The following NTM variants were observed in gnomAD, a reference collection of about 807,000 sequenced individuals.
NTM encodes IgLON family member 2.
In NTM, 13 loss-of-function variants were observed where a neutral mutation model predicts 42.1. That is an observed-to-expected ratio of 0.31 (90% CI 0.20 to 0.49). The LOEUF is 0.49. Ranked by LOEUF, NTM falls within the 20% of genes least tolerant of loss-of-function variation. The pLI, the probability that NTM is intolerant of heterozygous loss-of-function variation, is 0.99. For synonymous variants in NTM, 187 were observed against 179.2 expected (o/e 1.04, Z -0.35); for missense variants, 373 against 452.8 (o/e 0.82, Z 1.60).
chr11:131,991,524 A>G (rs771856277), intron 2 of NTM, among the ~76,000 whole-genome samples: 2 of 152,178 alleles, frequency 1.3e-5, no homozygotes, highest in African/African-American at 2.4e-5. Flanking sequence ...AGCATAGCCC[A>G]TATCCTTCAT....
At chr11:131,659,919 A>T (rs1325865905) in intron 1 of NTM, among the ~76,000 whole-genome samples, 1 of 152,228 alleles carries the variant, frequency 6.6e-6, no homozygotes, top group East Asian at 1.9e-4. Flanking sequence ...GAAATGAGTT[A>T]TTCAGGCATA....
chr11:131,442,756 G>T (rs372126835), intron 1 of NTM, among the ~76,000 whole-genome samples: 2 of 151,690 alleles, frequency 1.3e-5, no homozygotes, highest in Admixed American at 6.6e-5. Flanking sequence ...TAATTTCATC[G>T]TTTTATGGCT....
chr11:132,286,517 C>G (rs921407422), intron 4 of NTM, among the ~76,000 whole-genome samples: 1 of 147,294 alleles, frequency 6.8e-6, no homozygotes, highest in African/African-American at 2.7e-5. Flanking sequence ...TGCCTGTCCG[C>G]CCCCCCCACC....
rs570485269 is a variant in NTM at position 132,272,671 on chromosome 11, A to G, written c.527-35018A>G. On this transcript the variant is annotated intron_variant, in intron 4 of 8. Transcript: ENST00000683400. Reference sequence around the variant, plus strand: ...GTTGCTTTTGTAAATTCATTTTTAGATTGTTTATTGAAAATATATAGAAAT... The same window carrying G: ...GTTGCTTTTGTAAATTCATTTTTAGGTTGTTTATTGAAAATATATAGAAAT... Among the ~76,000 whole-genome samples the G allele has an allele frequency of 2.7e-4, 41 of 152,154 alleles. 2 individuals carry two copies. In the South Asian group the frequency reaches 8.1e-3, roughly 30 times the overall value.
intron 2 of NTM, among the ~76,000 whole-genome samples, chr11:131,940,686 A>T (rs891828790): frequency 1.3e-5 from 2 of 152,176 alleles, no homozygotes; most frequent in Admixed American, 6.5e-5. Context: ...ACTGTCTTTT[A>T]TCTGAATCTA....
chr11:131,638,520 T>G (rs2064709927), intron 1 of NTM, among the ~76,000 whole-genome samples: 1 of 140,068 alleles, frequency 7.1e-6, no homozygotes, highest in African/African-American at 2.7e-5. Flanking sequence ...GAGCTGAGAT[T>G]GCACCATTGC....
intron 3 of NTM, among the ~76,000 whole-genome samples, chr11:132,151,562 G>A (rs889795392): frequency 1.3e-5 from 2 of 152,210 alleles, no homozygotes; most frequent in African/African-American, 2.4e-5. Context: ...TAGCCTCTTT[G>A]TCAGTTTTCC....
At chr11:132,150,927 T>G (rs1413245500) in intron 3 of NTM, among the ~76,000 whole-genome samples, 1 of 152,206 alleles carries the variant, frequency 6.6e-6, no homozygotes, top group African/African-American at 2.4e-5. Flanking sequence ...CCTTGAATAC[T>G]TCCTTCAAAT....
intron 4 of NTM, among the ~76,000 whole-genome samples, chr11:132,226,419 G>A (rs1566521850): frequency 6.6e-6 from 1 of 152,142 alleles, no homozygotes; most frequent in African/African-American, 2.4e-5. Flanking sequence ...GTGTGAGGTG[G>A]TATCTCATTG....
At chr11:132,226,928 A>T (rs571746075) in intron 4 of NTM, among the ~76,000 whole-genome samples, 1 of 152,328 alleles carries the variant, frequency 6.6e-6, no homozygotes, top group East Asian at 1.9e-4. Flanking sequence ...TTGTCCATCA[A>T]AAACTCCAAG....
rs570358727 is a variant in NTM at position 131,994,598 on chromosome 11, GTT to G, written c.167+82956_167+82957del. 1.1e-4 allele frequency among the ~76,000 whole-genome samples: 17 copies of G among 152,204 alleles called. No individual in the cohort carries two copies. The South Asian group carries it at 3.5e-3, about 32-fold the overall frequency. ...TGTTGAGGGAAGCAACTTCTTGTCT[GTT>G]TTTTTATATGCTCGTATTTTTCAGG... is the stretch of plus-strand genomic sequence containing the variant. On this transcript the variant is annotated intron_variant, in intron 2 of 8. Transcript: ENST00000683400.
intron 1 of NTM, among the ~76,000 whole-genome samples, chr11:131,558,905 G>A (rs902841271): frequency 5.5e-4 from 84 of 152,072 alleles, no homozygotes; most frequent in Non-Finnish European, 2.4e-4. Context: ...TGTGACTCAC[G>A]CTGATCTCAG....
rs143395332 is a variant in NTM, at chr11:131,947,790, T to A, written c.167+36142T>A. Among the ~76,000 whole-genome samples the A allele has an allele frequency of 1.7e-3, 257 of 152,266 alleles. 1 individual carries two copies. Among genetic ancestry groups the A allele is most frequent in the African/African-American group, 5.9e-3 (243 of 41,538 alleles). On this transcript the variant is annotated intron_variant, in intron 2 of 8. Coordinates refer to ENST00000683400, the MANE Select transcript of NTM (RefSeq NM_001352005.2). ...CAGATCTGAATGTGAGTGATGGTGTTCTCTCCTAGGGTTTTGTGATTAGTT... is the reference window on the plus strand; with the variant it reads ...CAGATCTGAATGTGAGTGATGGTGTACTCTCCTAGGGTTTTGTGATTAGTT...
chr11:132,053,222 A>T (rs1248934663), intron 2 of NTM, among the ~76,000 whole-genome samples: 1 of 152,202 alleles, frequency 6.6e-6, no homozygotes, highest in Admixed American at 6.5e-5. Context: ...AGATTGAGTA[A>T]TGTGTCCAAG....
intron 1 of NTM, among the ~76,000 whole-genome samples, chr11:131,697,201 C>T (rs367824866): frequency 4.6e-5 from 7 of 152,182 alleles, no homozygotes; most frequent in African/African-American, 1.7e-4. Context: ...AGATTACAGT[C>T]ATTACAATTT....
chr11:132,327,810 C>A (rs1033691656), intron 7 of NTM, among the ~76,000 whole-genome samples: 1 of 151,434 alleles, frequency 6.6e-6, no homozygotes, highest in Admixed American at 6.6e-5. Context: ...TTTCTTCCTT[C>A]CTGTCTCCCT....
intron 4 of NTM, among the ~76,000 whole-genome samples, chr11:132,240,416 A>C (rs746293633): frequency 6.6e-6 from 1 of 152,218 alleles, no homozygotes; most frequent in Non-Finnish European, 1.5e-5. Flanking sequence ...TGATTCTAAC[A>C]GTCTTCTTGG....
At chr11:131,983,138 G>A (rs2134954155) in intron 2 of NTM, among the ~76,000 whole-genome samples, 1 of 151,856 alleles carries the variant, frequency 6.6e-6, no homozygotes, top group Admixed American at 6.6e-5. Context: ...ATATCTGAAA[G>A]TAGGAAAAGA....
chr11:131,450,028 A>G (rs1950366199), intron 1 of NTM, among the ~76,000 whole-genome samples: 1 of 152,196 alleles, frequency 6.6e-6, no homozygotes, highest in Admixed American at 6.5e-5. Flanking sequence ...CCTCCATGAA[A>G]CTGCTGCTGT....
Sources: allele counts gnomAD v4.1 joint callset (sites outside exome capture counted in the v4.1 genomes callset), GRCh38; gene constraint gnomAD v4.1.1; transcripts MANE v1.5; gene names NCBI Gene and HGNC (gene_info 2026-07-23, HGNC 2026-07-21).